The following RGL1 variants were observed in gnomAD, a reference collection of about 807,000 sequenced individuals.
The protein encoded by RGL1 is ral guanine nucleotide dissociation stimulator-like 1.
RGL1 carries 24 observed loss-of-function variants against 95.2 expected under a neutral mutation model. The observed-to-expected ratio is 0.25, with a 90% CI of 0.18 to 0.35. The LOEUF (loss-of-function observed/expected upper bound fraction) is 0.35, where lower values mean the gene tolerates loss of function less well. RGL1 is among the 10% of genes least tolerant of loss of function. RGL1 has a pLI of 1.00. For missense variants in RGL1, 715 were observed against 936.3 expected (o/e 0.76, Z 3.08); for synonymous variants, 329 against 344.9 (o/e 0.95, Z 0.51).
At chr1:183,900,891 G>A (rs538998133) in intron 11 of RGL1, among the ~76,000 whole-genome samples, 171 of 152,060 alleles carry the variant, frequency 1.1e-3, no homozygotes, top group Middle Eastern at 0.01. Context: ...AAGGCCGGGC[G>A]CGATGTCTCA....
intron 1 of RGL1, among the ~76,000 whole-genome samples, chr1:183,686,766 T>C (rs1378402547): frequency 1.3e-5 from 2 of 152,162 alleles, no homozygotes; most frequent in Non-Finnish European, 2.9e-5. Context: ...CTCTCAAATT[T>C]GTATCTTTAG....
intron 2 of RGL1, among the ~76,000 whole-genome samples, chr1:183,773,934 G>A (rs1659444249): frequency 1.6e-5 from 2 of 126,198 alleles, no homozygotes. Context: ...GAATAATTGA[G>A]GGTGGTAGAG....
intron 2 of RGL1, among the ~76,000 whole-genome samples, chr1:183,795,422 A>G (rs1002064632): frequency 6.6e-6 from 1 of 152,260 alleles, no homozygotes; most frequent in African/African-American, 2.4e-5. Context: ...CTATGAGAGC[A>G]CATAATAGGG....
intron 16 of RGL1, among the ~76,000 whole-genome samples, chr1:183,917,453 C>T (rs1669046224): frequency 6.6e-6 from 1 of 152,192 alleles, no homozygotes; most frequent in Admixed American, 6.5e-5. Context: ...TCACTTTATC[C>T]TTTGCAGCAA....
chr1:183,897,952 G>A (rs1006344534), intron 10 of RGL1, 55 bp downstream of exon 10: 90 of 1,463,620 alleles, frequency 6.1e-5, no homozygotes, highest in Non-Finnish European at 6.8e-5. Flanking sequence ...GGCCGTGTGC[G>A]TCTGGGCTCC....
chr1:183,708,522 A>T (rs1416291211), intron 1 of RGL1, among the ~76,000 whole-genome samples: 1 of 152,160 alleles, frequency 6.6e-6, no homozygotes, highest in Middle Eastern at 3.2e-3. Flanking sequence ...CTGGGACCGT[A>T]TCTGGACCCT....
chr1:183,742,750 G>A (rs746660030), intron 2 of RGL1, among the ~76,000 whole-genome samples: 6 of 151,856 alleles, frequency 4.0e-5, no homozygotes, highest in Admixed American at 6.6e-5. Context: ...GAGAGGGGAC[G>A]GGGAGAGAGA....
At chr1:183,919,904 G>A (rs1669217578) in intron 16 of RGL1, among the ~76,000 whole-genome samples, 1 of 152,188 alleles carries the variant, frequency 6.6e-6, no homozygotes, top group African/African-American at 2.4e-5. Flanking sequence ...ATTGAGATGA[G>A]CTGAGGGTAA....
At chr1:183,756,192 A>AT (rs34988129) in intron 2 of RGL1, among the ~76,000 whole-genome samples, 63,826 of 140,124 alleles carry the variant, frequency 0.46, 14,496 homozygotes, top group East Asian at 0.69. Context: ...GCCTGAGTTC[A>AT]TTTTTTTTTT....
intron 1 of RGL1, among the ~76,000 whole-genome samples, chr1:183,738,887 C>T (rs976152808): frequency 9.2e-5 from 14 of 151,882 alleles, no homozygotes; most frequent in South Asian, 8.3e-4. Flanking sequence ...GGTGATAGCA[C>T]GAGACCCTGT....
At chr1:183,703,351 T>G (rs923281000) in intron 1 of RGL1, among the ~76,000 whole-genome samples, 5 of 152,188 alleles carry the variant, frequency 3.3e-5, no homozygotes, top group African/African-American at 1.2e-4. Flanking sequence ...GTCTGGATTG[T>G]CTGGTGGTTA....
intron 2 of RGL1, among the ~76,000 whole-genome samples, chr1:183,766,172 C>T (rs907066082): frequency 5.7e-4 from 86 of 152,012 alleles, no homozygotes; most frequent in African/African-American, 2.0e-3. Flanking sequence ...TTTGGTAGGC[C>T]GAGGCGGGCG....
At chr1:183,866,426 G>A (rs1364685008) in intron 4 of RGL1, among the ~76,000 whole-genome samples, 3 of 152,166 alleles carry the variant, frequency 2.0e-5, no homozygotes, top group Admixed American at 6.5e-5. Context: ...GGGCTGGAGC[G>A]TTTGGCTATG....
At chr1:183,866,592 C>A (rs1212225009) in intron 4 of RGL1, among the ~76,000 whole-genome samples, 1 of 152,100 alleles carries the variant, frequency 6.6e-6, no homozygotes, top group African/African-American at 2.4e-5. Flanking sequence ...TTGCATGTGG[C>A]CGGAGCGCGT....
chr1:183,659,378 GA>G (rs1459276223), intron 1 of RGL1, among the ~76,000 whole-genome samples: 7 of 152,238 alleles, frequency 4.6e-5, no homozygotes, highest in African/African-American at 1.4e-4. Context: ...TGATGGAGCT[GA>G]AAGCCAAGGC....
chr1:183,674,732 T>C (rs1652703437), intron 1 of RGL1, among the ~76,000 whole-genome samples: 1 of 152,230 alleles, frequency 6.6e-6, no homozygotes, highest in African/African-American at 2.4e-5. Flanking sequence ...GTGCATTATG[T>C]ACCGGTAGTG....
chr1:183,684,887 C>T (rs566527244), intron 1 of RGL1, among the ~76,000 whole-genome samples: 3 of 152,296 alleles, frequency 2.0e-5, no homozygotes, highest in South Asian at 4.1e-4. Context: ...GACGCCCCCA[C>T]CCTGCTTCGG....
At chr1:183,917,506 C>T (rs1010240120) in intron 16 of RGL1, among the ~76,000 whole-genome samples, 4 of 152,212 alleles carry the variant, frequency 2.6e-5, no homozygotes, top group African/African-American at 4.8e-5. Context: ...CTTTATCACT[C>T]GCCTCTTTGA....
At chr1:183,891,777 A>G (rs1356476688) in intron 8 of RGL1, among the ~76,000 whole-genome samples, 1 of 147,456 alleles carries the variant, frequency 6.8e-6, no homozygotes, top group East Asian at 2.0e-4. Context: ...CTCACTGAGA[A>G]GAACATGTCC....
Sources: gnomAD v4.1 joint callset for allele counts (sites outside exome capture counted in the v4.1 genomes callset) on GRCh38, gnomAD v4.1.1 for gene constraint, MANE v1.5 for transcripts, NCBI Gene and HGNC (gene_info 2026-07-23, HGNC 2026-07-21) for gene names.